SNTA1: variants seen among roughly 807,000 people sequenced by gnomAD.
SNTA1 encodes the protein syntrophin alpha 1.
Under a neutral mutation model 47.1 loss-of-function variants are expected in SNTA1, and 31 were observed. The observed-to-expected ratio is 0.66, with a 90% CI of 0.49 to 0.89. The LOEUF (loss-of-function observed/expected upper bound fraction) is 0.89. SNTA1 is among the 40% of genes least tolerant of loss of function. The pLI is 0.00. For synonymous variants in SNTA1, 300 were observed against 313.6 expected, an observed-to-expected ratio of 0.96 and a Z score of 0.46; for missense variants, 575 against 693.0, an observed-to-expected ratio of 0.83 and a Z score of 1.91.
In SNTA1 at chr20:33,423,271, G is replaced by T. The variant is rs1287375463; in HGVS notation, c.497-5348C>A. 7.9e-5 allele frequency among the ~76,000 whole-genome samples: 12 copies of T among 152,266 alleles called. 1 individual carries two copies. In the South Asian group the frequency reaches 1.9e-3, roughly 24 times the overall value. ...CAAACCAAGTGGCCTGTCCCAGAGT[G>T]GGGGTGGGGTCCTGGGGGCCCCGGA... is the stretch of plus-strand genomic sequence containing the variant. On this transcript the variant is annotated intron_variant, in intron 2 of 7. Coordinates refer to ENST00000217381, the MANE Select transcript of SNTA1 (RefSeq NM_003098.3).
rs376756802 is a variant in SNTA1 at position 33,438,997 on chromosome 20, T to A, written c.340A>T (p.Ile114Phe). 9.9e-6 allele frequency: 16 copies of A among 1,613,948 alleles called. No homozygotes were observed. Among genetic ancestry groups the A allele is most frequent in the Non-Finnish European group, 1.4e-5 (16 of 1,180,030 alleles). Residue 114 changes from isoleucine to phenylalanine, a missense_variant, in exon 2 of 8, where the codon ATT becomes TTT. Ile to Phe is a conservative substitution (Grantham distance 21). Coordinates refer to ENST00000217381, the MANE Select transcript of SNTA1 (RefSeq NM_003098.3). ...GCCAATCCCTTGAAGATCTTGGAAA[T>A]GAGAATAGGCATCTTGTTCTCCCGG... is the stretch of plus-strand genomic sequence containing the variant. ...GGRENKMPIL[I>F]SKIFKGLAAD... is the part of the protein sequence containing the mutation.
chr20:33,438,093 G>T (rs1305499755), intron 2 of SNTA1, among the ~76,000 whole-genome samples: 1 of 152,196 alleles, frequency 6.6e-6, no homozygotes, highest in Non-Finnish European at 1.5e-5. Flanking sequence ...CTAAGGCCAG[G>T]AGTTCAAGAC....
At chr20:33,417,069 T>G (rs964530451) in intron 3 of SNTA1, among the ~76,000 whole-genome samples, 4 of 151,874 alleles carry the variant, frequency 2.6e-5, no homozygotes, top group African/African-American at 9.7e-5. Context: ...GCCAAGATCT[T>G]TGCACCACTG....
intron 2 of SNTA1, among the ~76,000 whole-genome samples, chr20:33,436,395 A>C (rs1990441081): frequency 6.6e-6 from 1 of 152,190 alleles, no homozygotes; most frequent in Non-Finnish European, 1.5e-5. Context: ...TGCTGACTAT[A>C]AATATCAAAG....
Position 33,408,885 on chromosome 20 carries a change from C to G in SNTA1, c.1241G>C (p.Cys414Ser), listed in dbSNP as rs1989666429. Residue 414 changes from cysteine to serine, a missense_variant, in exon 7 of 8, where the codon TGC (cysteine) becomes TCC (serine). Physicochemically the swap from Cys to Ser is moderately radical, Grantham distance 112 (BLOSUM62 -1). Transcript: ENST00000217381. ...GCTGCAGGGACGCCCATTCCACGTG[C>G]AGGCTGCAGGGAGGGCACATAGGTA... is the stretch of plus-strand genomic sequence containing the variant. ...AEGVQEVSTA[C>S]TWNGRPCSLS... 3 of 1,613,852 alleles carry G rather than the reference C, an allele frequency of 1.9e-6. No homozygotes were observed. The highest frequency in any genetic ancestry group is 2.5e-6 in the Non-Finnish European group (3 of 1,179,978).
chr20:33,417,727 C>T lies in SNTA1; in HGVS notation c.693G>A (p.Pro231=), dbSNP rs540880975. 8.1e-6 allele frequency: 13 copies of T among 1,613,490 alleles called. No individual in the cohort carries two copies. Among genetic ancestry groups the T allele is most frequent in the East Asian group, 4.5e-5 (2 of 44,886 alleles). The change falls in exon 3 of 8, where the codon CCG becomes CCA. Residue 231 remains proline, a synonymous_variant. Transcript: ENST00000217381. ...YVSKRCTPND[P]EPRYLEICSA... is the part of the protein sequence containing the mutation. The stretch of plus-strand genomic sequence containing the variant: ...CCCAACCCCAGCCTTACCTGGGCTC[C>T]GGGTCATTGGGGGTGCACCTCTTCG...
At chr20:33,419,505 T>C (rs1023981735) in intron 2 of SNTA1, among the ~76,000 whole-genome samples, 2 of 152,204 alleles carry the variant, frequency 1.3e-5, no homozygotes, top group Admixed American at 6.5e-5. Context: ...TCAGGTTTTT[T>C]TGGGAGAAGC....
chr20:33,440,790 C>A (rs1221815852), intron 1 of SNTA1, among the ~76,000 whole-genome samples: 1 of 152,214 alleles, frequency 6.6e-6, no homozygotes, highest in African/African-American at 2.4e-5. Context: ...TGCACTCCAC[C>A]CTGGGCAACA....
At chr20:33,427,582 C>T (rs1016644604) in intron 2 of SNTA1, among the ~76,000 whole-genome samples, 3 of 152,162 alleles carry the variant, frequency 2.0e-5, no homozygotes, top group Non-Finnish European at 2.9e-5. Context: ...CCTTACCACA[C>T]CCTTGAGTAG....
At chr20:33,440,327 A>G (rs1197294587) in intron 1 of SNTA1, among the ~76,000 whole-genome samples, 1 of 151,956 alleles carries the variant, frequency 6.6e-6, no homozygotes, top group Admixed American at 6.6e-5. Context: ...ATGGGGGCGC[A>G]TGCCTGTAAT....
chr20:33,434,120 A>T (rs529573277), intron 2 of SNTA1, among the ~76,000 whole-genome samples: 1 of 152,186 alleles, frequency 6.6e-6, no homozygotes, highest in South Asian at 2.1e-4. Context: ...ATGTTGAACA[A>T]TGTGGTCAGT....
intron 2 of SNTA1, among the ~76,000 whole-genome samples, chr20:33,429,182 C>A (rs1990236159): frequency 6.6e-6 from 1 of 151,364 alleles, no homozygotes; most frequent in Non-Finnish European, 1.5e-5. Flanking sequence ...ATACTATATA[C>A]AGAAATTAGC....
At chr20:33,414,963 C>T (rs1204006987) in intron 3 of SNTA1, among the ~76,000 whole-genome samples, 1 of 152,200 alleles carries the variant, frequency 6.6e-6, no homozygotes, top group Non-Finnish European at 1.5e-5. Context: ...GCAATCCTAA[C>T]ACTGAGTAAA....
chr20:33,409,162 GCAT>G (rs1377261153), intron 6 of SNTA1, among the ~76,000 whole-genome samples: 7 of 152,152 alleles, frequency 4.6e-5, no homozygotes, highest in African/African-American at 1.7e-4. Flanking sequence ...GCTGATAAAG[GCAT>G]CATCAGATCT....
At chr20:33,433,428 C>G (rs1273029216) in intron 2 of SNTA1, among the ~76,000 whole-genome samples, 1 of 151,616 alleles carries the variant, frequency 6.6e-6, no homozygotes, top group South Asian at 2.1e-4. Flanking sequence ...CCATGCTCAG[C>G]TAATTTTTGT....
chr20:33,409,414 C>T lies in SNTA1; in HGVS notation c.1238-526G>A, dbSNP rs76374724. Among the ~76,000 whole-genome samples the T allele has an allele frequency of 7.4e-3, 1,126 of 152,204 alleles. 10 individuals carry two copies. Among genetic ancestry groups the T allele is most frequent in the African/African-American group, 0.026 (1,065 of 41,544 alleles). ...AAGAAAACCCCAGGGAGAAGAGTCT[C>T]TGCCTGCTAGGGCACCTGCACATCC... On this transcript the variant is annotated intron_variant, in intron 6 of 7. Coordinates refer to ENST00000217381, the MANE Select transcript of SNTA1 (RefSeq NM_003098.3).
At chr20:33,413,846 A>G (rs1193147831) in intron 3 of SNTA1, among the ~76,000 whole-genome samples, 2 of 152,174 alleles carry the variant, frequency 1.3e-5, no homozygotes, top group Admixed American at 6.5e-5. Context: ...AGGCTGAGGC[A>G]GGAGAACCAC....
intron 3 of SNTA1, among the ~76,000 whole-genome samples, chr20:33,413,236 G>A (rs291693): frequency 0.59 from 89,354 of 151,600 alleles, 27,480 homozygotes; most frequent in Non-Finnish European, 0.69. Flanking sequence ...CCCGTGATCC[G>A]CCTGCCTCAG....
At chr20:33,408,679 G>A in intron 7 of SNTA1, 22 bp downstream of exon 7, 2 of 1,613,180 alleles carry the variant, frequency 1.2e-6, no homozygotes, top group African/African-American at 2.7e-5. Context: ...TCCCCAGGGT[G>A]CAGAGGCAGC....
Sources: allele counts gnomAD v4.1 joint callset (sites outside exome capture counted in the v4.1 genomes callset), GRCh38; gene constraint gnomAD v4.1.1; transcripts MANE v1.5; gene names NCBI Gene and HGNC (gene_info 2026-07-23, HGNC 2026-07-21).